The following PELI2 variants were observed in gnomAD, a reference collection of about 807,000 sequenced individuals.
The protein encoded by PELI2 is E3 ubiquitin-protein ligase pellino homolog 2.
A neutral mutation model predicts 42.3 loss-of-function variants in PELI2; 23 were observed. The observed-to-expected ratio is 0.54, with a 90% CI of 0.39 to 0.77. PELI2 has a LOEUF of 0.77. Ranked by LOEUF, PELI2 falls within the 30% of genes least tolerant of loss-of-function variation. The pLI, the probability that PELI2 is intolerant of heterozygous loss-of-function variation, is 0.00. For missense variants in PELI2, 463 were observed against 553.2 expected (o/e 0.84, Z 1.64); for synonymous variants, 245 against 212.2 (o/e 1.15, Z -1.34).
chr14:56,199,948 A>G (rs1301567552), intron 2 of PELI2, among the ~76,000 whole-genome samples: 1 of 152,202 alleles, frequency 6.6e-6, no homozygotes, highest in Non-Finnish European at 1.5e-5. Flanking sequence ...ATTACCTTAC[A>G]TGGATGGCAA....
At chr14:56,234,156 C>G (rs1450046109) in intron 2 of PELI2, among the ~76,000 whole-genome samples, 2 of 152,194 alleles carry the variant, frequency 1.3e-5, no homozygotes, top group African/African-American at 2.4e-5. Context: ...GTTGGTGGGA[C>G]TGTAAACTAG....
rs932710525 is a variant in PELI2 at position 56,288,030 on chromosome 14, G to A, written c.310-407G>A. 5.9e-5 allele frequency among the ~76,000 whole-genome samples: 9 copies of A among 152,140 alleles called. No individual in the cohort carries two copies. The highest frequency in any genetic ancestry group is 2.2e-4 in the African/African-American group (9 of 41,426). The stretch of plus-strand genomic sequence containing the variant: ...GATGAGTGGCCAAAGATCTACTCCT[G>A]TCCTCTTAATTGAGCTTTTTCTCAA... On this transcript the variant is annotated intron_variant, in intron 3 of 5. Coordinates refer to ENST00000267460, the MANE Select transcript of PELI2 (RefSeq NM_021255.3). The surrounding 1 kb of genome is among the most constrained non-coding windows in gnomAD (Gnocchi z 4.6).
At chr14:56,248,817 C>T (rs1199289259) in intron 2 of PELI2, among the ~76,000 whole-genome samples, 1 of 151,880 alleles carries the variant, frequency 6.6e-6, no homozygotes, top group Non-Finnish European at 1.5e-5. Context: ...GTTGAAAACC[C>T]TCCCCGGGGG....
chr14:56,199,880 A>G (rs1463102230), intron 2 of PELI2, among the ~76,000 whole-genome samples: 1 of 152,228 alleles, frequency 6.6e-6, no homozygotes, highest in Non-Finnish European at 1.5e-5. Context: ...GGTGCTCAAT[A>G]AATCTTTGTT....
chr14:56,281,126 C>T (rs967571992), intron 3 of PELI2, among the ~76,000 whole-genome samples: 38 of 152,246 alleles, frequency 2.5e-4, no homozygotes, highest in African/African-American at 9.1e-4. Context: ...CCATGAATTT[C>T]AGCGCTCAGA....
intron 2 of PELI2, among the ~76,000 whole-genome samples, chr14:56,228,547 A>T (rs1426521863): frequency 6.6e-6 from 1 of 152,274 alleles, no homozygotes; most frequent in Non-Finnish European, 1.5e-5. Flanking sequence ...GGGAAAATAC[A>T]CGATTATAAA....
In PELI2 at chr14:56,297,973, G is replaced by T. The variant is rs575610343; in HGVS notation, c.*807G>T. The T allele has an allele frequency of 6.6e-6, 1 of 152,216 alleles. No homozygotes were observed. The highest frequency in any genetic ancestry group is 1.5e-5 in the Non-Finnish European group (1 of 68,004). The allele number at this position is 152,216 out of a possible 1,614,324, so 9.4% of individuals were successfully genotyped here. A position where few individuals can be genotyped will look rare whatever the true frequency, so the allele number is the denominator to read the frequency against. On this transcript the variant is annotated 3_prime_UTR_variant, in exon 6 of 6. Coordinates refer to ENST00000267460, the MANE Select transcript of PELI2 (RefSeq NM_021255.3). ...GCTCTTAAAAACTCATTAACTGAGG[G>T]TAATTACAGTAGTAGACATGGTCTG...
chr14:56,162,026 G>A (rs1026081732), intron 1 of PELI2, among the ~76,000 whole-genome samples: 1 of 152,026 alleles, frequency 6.6e-6, no homozygotes, highest in African/African-American at 2.4e-5. Flanking sequence ...ATATTTAGGG[G>A]TACATGAGAT....
intron 2 of PELI2, among the ~76,000 whole-genome samples, chr14:56,230,920 T>A (rs936692644): frequency 3.3e-5 from 5 of 151,722 alleles, no homozygotes; most frequent in Non-Finnish European, 7.4e-5. Context: ...ACCAAGCAAA[T>A]AGAAAACAAA....
At chr14:56,124,674 C>T (rs1251092278) in intron 1 of PELI2, among the ~76,000 whole-genome samples, 1 of 152,204 alleles carries the variant, frequency 6.6e-6, no homozygotes, top group Admixed American at 6.5e-5. Flanking sequence ...GCAGCACTGA[C>T]AGCCTAGCTG....
chr14:56,131,707 C>T (rs528183920), intron 1 of PELI2, among the ~76,000 whole-genome samples: 21 of 152,208 alleles, frequency 1.4e-4, no homozygotes, highest in African/African-American at 5.1e-4. Context: ...TGGAAAAGGC[C>T]CAAATCTTCA....
chr14:56,154,064 A>AG (rs1472608889), intron 1 of PELI2, among the ~76,000 whole-genome samples: 15 of 152,364 alleles, frequency 9.8e-5, no homozygotes, highest in African/African-American at 3.6e-4. Context: ...TAGAAGATAG[A>AG]GAAAAATATA....
chr14:56,180,360 A>G lies in PELI2; in HGVS notation c.207+1896A>G, dbSNP rs530031723. Among the ~76,000 whole-genome samples, 97 of 152,340 alleles carry G rather than the reference A, an allele frequency of 6.4e-4. No individual in the cohort carries two copies. Among genetic ancestry groups the G allele is most frequent in the African/African-American group, 2.3e-3 (95 of 41,578 alleles). ...AAAACAGACAAAAGTAAGATAAATT[A>G]TTATAGGCTAGCCCTCAGAATCAGA... On this transcript the variant is annotated intron_variant, in intron 2 of 5. Coordinates refer to ENST00000267460, the MANE Select transcript of PELI2 (RefSeq NM_021255.3). The surrounding 1 kb of genome is among the most constrained non-coding windows in gnomAD (Gnocchi z 4.4).
intron 1 of PELI2, chr14:56,144,944 C>T: frequency 1.0e-6 from 1 of 981,298 alleles, no homozygotes; most frequent in Non-Finnish European, 1.2e-6. Flanking sequence ...GTTTCCATTA[C>T]AGGAGAAGAG....
intron 1 of PELI2, among the ~76,000 whole-genome samples, chr14:56,121,314 A>G (rs560536235): frequency 3.6e-4 from 55 of 152,184 alleles, no homozygotes; most frequent in African/African-American, 1.3e-3. Flanking sequence ...TTACTAGGAA[A>G]TCCTGGAGAG....
chr14:56,214,006 T>G (rs950800583), intron 2 of PELI2, among the ~76,000 whole-genome samples: 2 of 152,068 alleles, frequency 1.3e-5, no homozygotes, highest in African/African-American at 2.4e-5. Flanking sequence ...CATGCGACAC[T>G]ATGCCCAACT....
intron 2 of PELI2, among the ~76,000 whole-genome samples, chr14:56,201,953 C>T (rs1424304980): frequency 6.6e-6 from 1 of 152,206 alleles, no homozygotes; most frequent in Non-Finnish European, 1.5e-5. Context: ...ACTATTCTAG[C>T]ACTTAACATG....
chr14:56,256,275 T>TA (rs1325475101), intron 2 of PELI2, among the ~76,000 whole-genome samples: 40 of 150,724 alleles, frequency 2.7e-4, no homozygotes, highest in African/African-American at 7.3e-5. Flanking sequence ...AAACACAAAT[T>TA]AAAAAAAAAT....
At chr14:56,141,951 G>C (rs1317529707) in intron 1 of PELI2, among the ~76,000 whole-genome samples, 1 of 152,174 alleles carries the variant, frequency 6.6e-6, no homozygotes, top group Non-Finnish European at 1.5e-5. Flanking sequence ...AATGCAAAGG[G>C]TGTTGCTTGT....
Sources: gnomAD v4.1 joint callset for allele counts (sites outside exome capture counted in the v4.1 genomes callset) on GRCh38, gnomAD v4.1.1 for gene constraint, Gnocchi (gnomAD v3.1) non-coding constraint, MANE v1.5 for transcripts, NCBI Gene and HGNC (gene_info 2026-07-23, HGNC 2026-07-21) for gene names.